PTPRO: variants seen among roughly 807,000 people sequenced by gnomAD.
PTPRO encodes receptor-type tyrosine-protein phosphatase O.
Under a neutral mutation model 145.2 loss-of-function variants are expected in PTPRO, and 62 were observed. That is an observed-to-expected ratio of 0.43 (90% CI 0.35 to 0.53). The LOEUF is 0.53. PTPRO is among the 20% of genes least tolerant of loss of function. The pLI is 0.01. For synonymous variants in PTPRO, 565 were observed against 514.7 expected, an observed-to-expected ratio of 1.10 and a Z score of -1.32; for missense variants, 1,345 against 1,482.7, an observed-to-expected ratio of 0.91 and a Z score of 1.53.
intron 1 of PTPRO, among the ~76,000 whole-genome samples, chr12:15,375,004 A>G (rs142754157): frequency 7.2e-4 from 110 of 152,316 alleles, no homozygotes; most frequent in African/African-American, 2.3e-3. Flanking sequence ...TCCCCAACAC[A>G]CACAAAGCCT....
chr12:15,495,987 C>T (rs1229733986), intron 2 of PTPRO, among the ~76,000 whole-genome samples: 3 of 151,944 alleles, frequency 2.0e-5, no homozygotes, highest in African/African-American at 7.3e-5. Context: ...ATTTAATTCC[C>T]TCTAGTCACT....
intron 13 of PTPRO, 31 bp downstream of exon 13, chr12:15,546,739 GTTAAC>G: frequency 1.2e-6 from 2 of 1,612,804 alleles, no homozygotes; most frequent in Non-Finnish European, 1.7e-6. Flanking sequence ...CCTTTTCTCA[GTTAAC>G]TTAAGTAAGG....
chr12:15,533,485 G>A (rs1262721436), intron 12 of PTPRO, among the ~76,000 whole-genome samples: 2 of 152,108 alleles, frequency 1.3e-5, no homozygotes, highest in Non-Finnish European at 2.9e-5. Flanking sequence ...ATAACACAAT[G>A]CCTGAACACC....
chr12:15,429,750 C>A (rs940637541), intron 1 of PTPRO, among the ~76,000 whole-genome samples: 1 of 152,002 alleles, frequency 6.6e-6, no homozygotes, highest in East Asian at 1.9e-4. Context: ...GTTCTGAATG[C>A]AATGTAGAAA....
At chr12:15,564,521 A>C (rs940967078) in intron 17 of PTPRO, among the ~76,000 whole-genome samples, 2 of 152,224 alleles carry the variant, frequency 1.3e-5, no homozygotes, top group African/African-American at 4.8e-5. Flanking sequence ...TGCAACTAAC[A>C]ATCACACAAT....
At chr12:15,422,328 T>C (rs926596014) in intron 1 of PTPRO, among the ~76,000 whole-genome samples, 2 of 152,162 alleles carry the variant, frequency 1.3e-5, no homozygotes, top group Non-Finnish European at 2.9e-5. Flanking sequence ...TTGTAAGAGC[T>C]TACACATGGT....
chr12:15,429,837 A>G (rs1386852604), intron 1 of PTPRO, among the ~76,000 whole-genome samples: 2 of 152,180 alleles, frequency 1.3e-5, no homozygotes, highest in African/African-American at 4.8e-5. Flanking sequence ...GGACAGAATC[A>G]AGAGATATTC....
At chr12:15,391,941 C>T (rs969976) in intron 1 of PTPRO, among the ~76,000 whole-genome samples, 151,715 of 152,272 alleles carry the variant, frequency 1, 75,579 homozygotes, top group South Asian at 1. Flanking sequence ...CAGCCATCGA[C>T]TGAGTGCATG....
intron 19 of PTPRO, among the ~76,000 whole-genome samples, chr12:15,574,069 T>C (rs1417448077): frequency 1.3e-5 from 2 of 152,222 alleles, no homozygotes; most frequent in Non-Finnish European, 2.9e-5. Context: ...AAATATCACA[T>C]TCACATTGAG....
chr12:15,399,319 T>C (rs1939426578), intron 1 of PTPRO, among the ~76,000 whole-genome samples: 1 of 152,214 alleles, frequency 6.6e-6, no homozygotes, highest in African/African-American at 2.4e-5. Context: ...CTAAGAGGTA[T>C]GTACTGGTGG....
chr12:15,595,379 C>T, intron 26 of PTPRO: 1 of 331,212 alleles, frequency 3.0e-6, no homozygotes, highest in Non-Finnish European at 5.9e-6. Context: ...AGGATACTAC[C>T]ATCCAAATCT....
At chr12:15,561,020 T>A (rs1943759818) in intron 17 of PTPRO, among the ~76,000 whole-genome samples, 1 of 152,120 alleles carries the variant, frequency 6.6e-6, no homozygotes, top group Non-Finnish European at 1.5e-5. Flanking sequence ...TATGTAATGA[T>A]AACAGTAACC....
intron 1 of PTPRO, among the ~76,000 whole-genome samples, chr12:15,383,640 G>A (rs1054770932): frequency 1.3e-5 from 2 of 152,170 alleles, no homozygotes; most frequent in Admixed American, 6.5e-5. Flanking sequence ...GAAGCTACAG[G>A]CAAAGACATA....
At chr12:15,468,209 T>G (rs1941459720) in intron 1 of PTPRO, among the ~76,000 whole-genome samples, 1 of 152,182 alleles carries the variant, frequency 6.6e-6, no homozygotes, top group African/African-American at 2.4e-5. Context: ...CAAGTATTTT[T>G]CCAATAAAAC....
At chr12:15,420,157 A>G (rs1195937713) in intron 1 of PTPRO, among the ~76,000 whole-genome samples, 3 of 147,220 alleles carry the variant, frequency 2.0e-5, no homozygotes, top group Non-Finnish European at 4.4e-5. Flanking sequence ...AGAAAAAAAA[A>G]AAAAAAAAAA....
At chr12:15,581,167 C>T (rs904052453) in intron 22 of PTPRO, among the ~76,000 whole-genome samples, 39 of 152,128 alleles carry the variant, frequency 2.6e-4, no homozygotes, top group African/African-American at 9.4e-4. Flanking sequence ...TAAAACTAGT[C>T]TCAGAGTCCC....
chr12:15,510,540 A>G (rs557331395), intron 7 of PTPRO, among the ~76,000 whole-genome samples: 1 of 152,346 alleles, frequency 6.6e-6, no homozygotes, highest in East Asian at 1.9e-4. Flanking sequence ...TAAATTATCA[A>G]TGAGCCAGAA....
chr12:15,561,622 G>A (rs1943774836), intron 17 of PTPRO, among the ~76,000 whole-genome samples: 2 of 152,176 alleles, frequency 1.3e-5, no homozygotes, highest in African/African-American at 2.4e-5. Flanking sequence ...CGTATTTTCA[G>A]TATTTGACAT....
At chr12:15,514,365 ATG>A (rs1942529053) in intron 7 of PTPRO, among the ~76,000 whole-genome samples, 1 of 149,776 alleles carries the variant, frequency 6.7e-6, no homozygotes. Flanking sequence ...GGCAGGAGAA[ATG>A]CTTGAACCCG....
Sources: gnomAD v4.1 joint callset for allele counts (sites outside exome capture counted in the v4.1 genomes callset) on GRCh38, gnomAD v4.1.1 for gene constraint, MANE v1.5 for transcripts, NCBI Gene and HGNC (gene_info 2026-07-23, HGNC 2026-07-21) for gene names.